The following GUCY1A2 variants were observed in gnomAD, a reference collection of about 807,000 sequenced individuals.
GUCY1A2 encodes the protein guanylate cyclase 1 soluble subunit alpha 2.
GUCY1A2 carries 27 observed loss-of-function variants against 63.5 expected under a neutral mutation model. The ratio of observed to expected loss-of-function variants is 0.43; its 90% confidence interval spans 0.31 to 0.59. The LOEUF is 0.59. GUCY1A2 is among the 20% of genes least tolerant of loss of function. The pLI is 0.11. For missense variants in GUCY1A2, 768 were observed against 913.3 expected (o/e 0.84, Z 2.05); for synonymous variants, 364 against 343.5 (o/e 1.06, Z -0.66).
intron 5 of GUCY1A2, among the ~76,000 whole-genome samples, chr11:106,795,859 AAGAATTTAGAATATT>A (rs1483822776): frequency 6.6e-6 from 1 of 152,150 alleles, no homozygotes; most frequent in Non-Finnish European, 1.5e-5. Flanking sequence ...CTCCAACACT[AAGAATTTAGAATATT>A]AGAATCTCAT....
chr11:106,818,889 G>A (rs536209102), intron 4 of GUCY1A2, among the ~76,000 whole-genome samples: 1 of 152,154 alleles, frequency 6.6e-6, no homozygotes, highest in Non-Finnish European at 1.5e-5. Context: ...GGCGGCCTTA[G>A]ATCTCTAATT....
At chr11:106,793,087 A>C (rs1298120003) in intron 5 of GUCY1A2, among the ~76,000 whole-genome samples, 1 of 152,204 alleles carries the variant, frequency 6.6e-6, no homozygotes, top group Non-Finnish European at 1.5e-5. Flanking sequence ...ATGAAGAACA[A>C]AGCTGGAGCC....
intron 4 of GUCY1A2, among the ~76,000 whole-genome samples, chr11:106,821,171 A>T: frequency 6.6e-6 from 1 of 152,196 alleles, no homozygotes; most frequent in East Asian, 1.9e-4. Flanking sequence ...AAAGAAGAAC[A>T]TCAACAAATA....
intron 4 of GUCY1A2, among the ~76,000 whole-genome samples, chr11:106,937,578 C>T (rs1426398286): frequency 6.6e-6 from 1 of 152,104 alleles, no homozygotes; most frequent in Non-Finnish European, 1.5e-5. Context: ...TTCTGTAAAA[C>T]AGAACTGATA....
At chr11:106,986,233 T>C in intron 1 of GUCY1A2, 102 bp from the exon 2 acceptor site, 1 of 674,144 alleles carries the variant, frequency 1.5e-6, no homozygotes, top group Non-Finnish European at 2.6e-6. Flanking sequence ...ATTTATCTCT[T>C]GAGAGTTTTC....
At chr11:106,841,939 T>C (rs1859204438) in intron 4 of GUCY1A2, among the ~76,000 whole-genome samples, 1 of 152,008 alleles carries the variant, frequency 6.6e-6, no homozygotes, top group African/African-American at 2.4e-5. Flanking sequence ...CAGAACCACC[T>C]TCCACCTTCT....
intron 1 of GUCY1A2, among the ~76,000 whole-genome samples, chr11:107,002,099 T>C (rs1591360412): frequency 6.6e-6 from 1 of 151,746 alleles, no homozygotes; most frequent in African/African-American, 2.4e-5. Flanking sequence ...ATAAAATAGA[T>C]ATAAATCCTT....
At chr11:106,834,174 C>T (rs1305559980) in intron 4 of GUCY1A2, among the ~76,000 whole-genome samples, 3 of 151,892 alleles carry the variant, frequency 2.0e-5, no homozygotes, top group East Asian at 3.9e-4. Context: ...TCATCTTATA[C>T]TTGCAAATGT....
chr11:106,824,482 T>G (rs189333988), intron 4 of GUCY1A2, among the ~76,000 whole-genome samples: 1,569 of 152,208 alleles, frequency 0.01, 9 homozygotes, highest in Non-Finnish European at 0.017. Context: ...TACTAATAGT[T>G]GAGAAGTCTG....
In GUCY1A2 at chr11:106,897,057, A is replaced by T. The variant is rs186927748; in HGVS notation, c.1206+42403T>A. ...TCCCATTACTTTTCTGTATAACAGC[A>T]CTGAACAAGTAAAATTTAAAATTAA... On this transcript the variant is annotated intron_variant, in intron 4 of 7. Transcript: ENST00000526355. Among the ~76,000 whole-genome samples, 11 of 152,318 alleles carry T rather than the reference A, an allele frequency of 7.2e-5. No individual in the cohort carries two copies. The East Asian group carries it at 2.1e-3, about 29-fold the overall frequency.
intron 4 of GUCY1A2, among the ~76,000 whole-genome samples, chr11:106,890,421 G>A (rs751306690): frequency 4.6e-5 from 7 of 152,128 alleles, no homozygotes; most frequent in Non-Finnish European, 8.8e-5. Context: ...CAGGATGCTG[G>A]TTCTGGCTCT....
At chr11:106,952,601 T>C (rs1433364294) in intron 3 of GUCY1A2, among the ~76,000 whole-genome samples, 2 of 152,110 alleles carry the variant, frequency 1.3e-5, no homozygotes, top group Non-Finnish European at 2.9e-5. Flanking sequence ...ATCCTGAGAC[T>C]TTGCTGAAGT....
chr11:106,907,023 G>A (rs528775301), intron 4 of GUCY1A2, among the ~76,000 whole-genome samples: 7 of 152,042 alleles, frequency 4.6e-5, no homozygotes, highest in Non-Finnish European at 8.8e-5. Flanking sequence ...ACCATGGCAC[G>A]TGTATATCTA....
chr11:106,707,429 A>G (rs1862935899), intron 7 of GUCY1A2, among the ~76,000 whole-genome samples: 1 of 152,040 alleles, frequency 6.6e-6, no homozygotes, highest in Non-Finnish European at 1.5e-5. Flanking sequence ...ATCAATGGCC[A>G]CTATTCCTAC....
chr11:106,897,589 A>AGCAAT (rs900459096), intron 4 of GUCY1A2, among the ~76,000 whole-genome samples: 4 of 152,076 alleles, frequency 2.6e-5, no homozygotes, highest in African/African-American at 9.7e-5. Context: ...AAGGAGCAAA[A>AGCAAT]GCAATGCAAT....
chr11:106,815,739 C>G (rs1159434018), intron 4 of GUCY1A2, among the ~76,000 whole-genome samples: 1 of 151,808 alleles, frequency 6.6e-6, no homozygotes. Context: ...TGAGTGGCCT[C>G]ACAAGAGGAA....
intron 4 of GUCY1A2, among the ~76,000 whole-genome samples, chr11:106,853,286 T>C (rs992425450): frequency 1.3e-5 from 2 of 152,144 alleles, no homozygotes; most frequent in African/African-American, 4.8e-5. Flanking sequence ...GTTTACTTTA[T>C]AGCATCCCAT....
At chr11:106,709,257 A>G (rs1317539452) in intron 6 of GUCY1A2, among the ~76,000 whole-genome samples, 5 of 52,480 alleles carry the variant, frequency 9.5e-5, no homozygotes, top group African/African-American at 5.5e-4. Flanking sequence ...TATATAATAT[A>G]TATAAATATA....
chr11:106,868,447 G>T (rs1477203586), intron 4 of GUCY1A2, among the ~76,000 whole-genome samples: 2 of 151,986 alleles, frequency 1.3e-5, no homozygotes, highest in South Asian at 2.1e-4. Context: ...TCACAAGCAT[G>T]CTTACACACC....
Sources: gnomAD v4.1 joint callset for allele counts (sites outside exome capture counted in the v4.1 genomes callset) on GRCh38, gnomAD v4.1.1 for gene constraint, MANE v1.5 for transcripts, NCBI Gene and HGNC (gene_info 2026-07-23, HGNC 2026-07-21) for gene names.